Variants in KMT2C observed in about 807,000 individuals in gnomAD.
KMT2C encodes the protein histone-lysine N-methyltransferase 2C.
A neutral mutation model predicts 507.9 loss-of-function variants in KMT2C; 88 were observed. The observed-to-expected ratio is 0.17, with a 90% confidence interval of 0.15 to 0.21. The LOEUF (loss-of-function observed/expected upper bound fraction) is 0.21, where lower values mean the gene tolerates loss of function less well. KMT2C is among the 10% of genes least tolerant of loss of function. The pLI is 1.00. For synonymous variants in KMT2C, 2,049 were observed against 2,080.8 expected, an observed-to-expected ratio of 0.98 and a Z score of 0.42; for missense variants, 4,954 against 5,957.8, an observed-to-expected ratio of 0.83 and a Z score of 5.55.
At chr7:152,379,806 G>A (rs1334207178) in intron 1 of KMT2C, among the ~76,000 whole-genome samples, 1 of 152,300 alleles carries the variant, frequency 6.6e-6, no homozygotes, top group Non-Finnish European at 1.5e-5. Context: ...CTTCAAAAAG[G>A]AGGACAGGGC....
At position 152,148,748 on chromosome 7, in the gene KMT2C, A is replaced by C; in HGVS notation, c.13179T>G (p.Asp4393Glu). 1 of 1,614,214 alleles carries C rather than the reference A, an allele frequency of 6.2e-7. No homozygotes were observed. Among genetic ancestry groups the C allele is most frequent in the Non-Finnish European group, 8.5e-7 (1 of 1,180,042 alleles). The change falls in exon 52 of 59, where the codon GAT becomes GAG. Residue 4393 changes from aspartate (D) to glutamate (E), a missense_variant. Physicochemically the swap from Asp to Glu is conservative, Grantham distance 45. This residue lies in a region of KMT2C where 417 missense variants were observed against 461.1 expected (regional missense o/e 0.90). Coordinates refer to ENST00000262189, the MANE Select transcript of KMT2C (RefSeq NM_170606.3). The surrounding 1 kb of genome is among the most constrained non-coding windows in gnomAD (Gnocchi z 7.1). The part of the protein sequence containing the change: ...LKKLGTSLKP[D>E]PVPKDYRKCC... Reference sequence around the variant, plus strand: ...ATTTCCGATAGTCTTTGGGCACAGGATCAGGTTTAAGGGAAGTGCCCAATT... The same window carrying C: ...ATTTCCGATAGTCTTTGGGCACAGGCTCAGGTTTAAGGGAAGTGCCCAATT...
At chr7:152,196,511 T>G (rs921629604) in intron 27 of KMT2C, among the ~76,000 whole-genome samples, 15 of 152,200 alleles carry the variant, frequency 9.9e-5, no homozygotes, top group Admixed American at 3.3e-4. Flanking sequence ...TACTGATTAC[T>G]CACTCATTTA....
At position 152,144,648 on chromosome 7, in the gene KMT2C, A is replaced by G; in HGVS notation, c.14343+65T>C. On this transcript the variant is annotated intron_variant, in intron 55 of 58. Transcript: ENST00000262189. The surrounding 1 kb of genome is among the most constrained non-coding windows in gnomAD (Gnocchi z 4.4). The stretch of plus-strand genomic sequence containing the variant: ...AAATCATTTTCACATACTGGACATC[A>G]ATAGCTTCAGATTGCTAGACTCCAC... The G allele has an allele frequency of 6.8e-7, 1 of 1,470,918 alleles. No homozygotes were observed. The highest frequency in any genetic ancestry group is 1.4e-5 in the African/African-American group (1 of 71,920). The allele number at this position is 1,470,918 out of a possible 1,614,324, so 91.1% of individuals were successfully genotyped here.
chr7:152,307,878 C>T (rs148095862), intron 6 of KMT2C, among the ~76,000 whole-genome samples: 2 of 152,228 alleles, frequency 1.3e-5, no homozygotes, highest in African/African-American at 4.8e-5. Flanking sequence ...TATATTGATT[C>T]CTCTGGTTCT....
chr7:152,420,313 T>C lies in KMT2C; in HGVS notation c.161+15313A>G, dbSNP rs533723763. 3.9e-5 allele frequency among the ~76,000 whole-genome samples: 6 copies of C among 152,304 alleles called. No homozygotes were observed. The East Asian group carries it at 9.6e-4, about 24-fold the overall frequency. On this transcript the variant is annotated intron_variant, in intron 1 of 58. Coordinates refer to ENST00000262189, the MANE Select transcript of KMT2C (RefSeq NM_170606.3). Reference sequence around the variant, plus strand: ...ATGAACACATAGCATGAGCAAGAAATGAACCTTTGTGACTGATGCCACTAA... The same window carrying C: ...ATGAACACATAGCATGAGCAAGAAACGAACCTTTGTGACTGATGCCACTAA...
intron 1 of KMT2C, among the ~76,000 whole-genome samples, chr7:152,400,342 G>A (rs141406716): frequency 3.2e-4 from 49 of 152,196 alleles, no homozygotes; most frequent in African/African-American, 1.1e-3. Flanking sequence ...CACTAAAGCC[G>A]TAACATGAAA....
At chr7:152,234,206 T>A (rs940625638) in intron 16 of KMT2C, among the ~76,000 whole-genome samples, 23 of 151,664 alleles carry the variant, frequency 1.5e-4, no homozygotes, top group African/African-American at 4.6e-4. Context: ...GGTGAAAAAC[T>A]GTCTCTACTA....
intron 7 of KMT2C, among the ~76,000 whole-genome samples, chr7:152,272,102 C>A (rs892388803): frequency 1.6e-4 from 24 of 152,136 alleles, no homozygotes; most frequent in Non-Finnish European, 3.2e-4. Flanking sequence ...TTATGAGTCT[C>A]CATAAGTCTA....
At chr7:152,184,603 A>G (rs544832314) in intron 34 of KMT2C, among the ~76,000 whole-genome samples, 2 of 152,310 alleles carry the variant, frequency 1.3e-5, no homozygotes, top group Admixed American at 1.3e-4. Context: ...TGTGGAAGAC[A>G]CTGAGGCATG....
intron 23 of KMT2C, among the ~76,000 whole-genome samples, chr7:152,210,842 C>T (rs2094439509): frequency 6.6e-6 from 1 of 151,920 alleles, no homozygotes; most frequent in South Asian, 2.1e-4. Flanking sequence ...CTTGAAATAA[C>T]TGAAATAGAA....
rs2093433878 is a variant in KMT2C, at chr7:152,181,504, G to A, written c.6356C>T (p.Pro2119Leu). 2 of 1,613,978 alleles carry A rather than the reference G, an allele frequency of 1.2e-6. No individual in the cohort carries two copies. The highest frequency in any genetic ancestry group is 1.7e-6 in the Non-Finnish European group (2 of 1,180,016). The change falls in exon 36 of 59, where the codon CCT (proline) becomes CTT (leucine). Residue 2119 changes from proline (P) to leucine (L), a missense_variant. Transcript: ENST00000262189. ...FAHPSRAFSQPGTISRPTSQD... is the reference protein window; with the variant it reads ...FAHPSRAFSQLGTISRPTSQD... Reference sequence around the variant, plus strand: ...AGATGTTGGCCTTGATATGGTTCCAGGCTGGGAAAAAGCCCTTGAAGGATG... The same window carrying A: ...AGATGTTGGCCTTGATATGGTTCCAAGCTGGGAAAAAGCCCTTGAAGGATG...
intron 6 of KMT2C, among the ~76,000 whole-genome samples, chr7:152,301,209 A>G (rs1166684031): frequency 6.6e-6 from 1 of 151,778 alleles, no homozygotes; most frequent in East Asian, 1.9e-4. Flanking sequence ...AAAAAAAAAA[A>G]AAAAAGAAAA....
At chr7:152,270,896 TATA>T (rs1431027878) in intron 7 of KMT2C, among the ~76,000 whole-genome samples, 1 of 152,228 alleles carries the variant, frequency 6.6e-6, no homozygotes, top group Non-Finnish European at 1.5e-5. Context: ...TGAATTTCTT[TATA>T]ATGAGATGCA....
Position 152,167,105 on chromosome 7 carries a change from T to G in KMT2C, c.9750+41A>C, listed in dbSNP as rs752142566. On this transcript the variant is annotated intron_variant, in intron 42 of 58. Transcript: ENST00000262189. Reference sequence around the variant, plus strand: ...ACAACACACCAAAACATTCTACTCATTAATTGTTGGTAGTTTCTATTTTGC... The same window carrying G: ...ACAACACACCAAAACATTCTACTCAGTAATTGTTGGTAGTTTCTATTTTGC... 3.4e-6 allele frequency: 5 copies of G among 1,469,428 alleles called. 1 individual carries two copies. The South Asian group carries it at 5.8e-5, about 17-fold the overall frequency. The allele number at this position is 1,469,428 out of a possible 1,614,324, so 91.0% of individuals were successfully genotyped here.
At position 152,139,685 on chromosome 7, in the gene KMT2C, T is replaced by C. The variant is rs2090302529; in HGVS notation, c.14450A>G (p.Tyr4817Cys). Residue 4817 changes from tyrosine (Y) to cysteine (C), a missense_variant, in exon 56 of 59, where the codon TAT (tyrosine) becomes TGT (cysteine). Coordinates refer to ENST00000262189, the MANE Select transcript of KMT2C (RefSeq NM_170606.3). ...GGACCAGACACCTACCTGAGACTCA[T>C]AAAGCTTCTCTTTCCTGTTGGCTAC... Reference protein sequence around the residue: ...NEVANRKEKLYESQNRGVYMF... With the variant: ...NEVANRKEKLCESQNRGVYMF... 6.2e-7 allele frequency: 1 copy of C among 1,610,622 alleles called. No individual in the cohort carries two copies. The highest frequency in any genetic ancestry group is 8.5e-7 in the Non-Finnish European group (1 of 1,176,922).
At chr7:152,168,140 T>C (rs865950587) in intron 41 of KMT2C, among the ~76,000 whole-genome samples, 1 of 151,774 alleles carries the variant, frequency 6.6e-6, no homozygotes, top group Non-Finnish European at 1.5e-5. Context: ...TGATACCCAG[T>C]CCAAGGGGAA....
intron 1 of KMT2C, among the ~76,000 whole-genome samples, chr7:152,363,254 C>T (rs958603475): frequency 1.3e-5 from 2 of 152,150 alleles, no homozygotes; most frequent in African/African-American, 4.8e-5. Flanking sequence ...GGGTTTTCTT[C>T]GTTCCCCTCT....
intron 19 of KMT2C, 112 bp downstream of exon 19, chr7:152,224,323 T>G (rs183519539): frequency 7.8e-7 from 1 of 1,283,238 alleles, no homozygotes; most frequent in East Asian, 2.4e-5. Context: ...GTATCTATCA[T>G]AGAATATGTG....
In KMT2C at chr7:152,199,396, G is replaced by C. The variant is rs2129133106; in HGVS notation, c.4156C>G (p.Leu1386Val). 1 of 1,599,022 alleles carries C rather than the reference G, an allele frequency of 6.3e-7. No homozygotes were observed. The change falls in exon 27 of 59, where the codon CTG (leucine) becomes GTG (valine). Residue 1386 changes from leucine to valine, a missense_variant. Physicochemically the swap from Leu to Val is conservative, Grantham distance 32. This residue lies in a region of KMT2C where 140 missense variants were observed against 118.4 expected (regional missense o/e 1.18). Transcript: ENST00000262189. ...SRQSKISLDN[L>V]SEDGAQLLYK... ...AAAAGCTGAGCTCCATCTTCTGACAGATTATCTAAACTTATCTTGCTTTGT... is the reference window on the plus strand; with the variant it reads ...AAAAGCTGAGCTCCATCTTCTGACACATTATCTAAACTTATCTTGCTTTGT...
Sources: allele counts gnomAD v4.1 joint callset (sites outside exome capture counted in the v4.1 genomes callset), GRCh38; gene constraint gnomAD v4.1.1; regional missense constraint gnomAD v4.1.1; non-coding constraint Gnocchi (gnomAD v3.1); transcripts MANE v1.5; gene names NCBI Gene and HGNC (gene_info 2026-07-23, HGNC 2026-07-21).